The following PGR variants were observed in gnomAD, a reference collection of about 807,000 sequenced individuals.
The protein encoded by PGR is progesterone receptor.
PGR carries 25 observed loss-of-function variants against 76.1 expected under a neutral mutation model. The observed-to-expected ratio is 0.33, with a 90% CI of 0.24 to 0.46. PGR has a LOEUF of 0.46. Among genes scored for constraint, PGR ranks in the 20% least tolerant of loss-of-function variants. The pLI, the probability that PGR is intolerant of heterozygous loss-of-function variation, is 1.00. For missense variants in PGR, 1,172 were observed against 1,225.3 expected, an observed-to-expected ratio of 0.96 and a Z score of 0.65; for synonymous variants, 579 against 535.0, an observed-to-expected ratio of 1.08 and a Z score of -1.14.
intron 7 of PGR, among the ~76,000 whole-genome samples, chr11:101,041,022 A>C (rs1413607894): frequency 1.4e-5 from 2 of 143,474 alleles, no homozygotes; most frequent in African/African-American, 4.9e-5. Context: ...ATTATCCAAA[A>C]GTATTTTCTT....
At chr11:101,045,665 T>TTG (rs5794091) in intron 6 of PGR, among the ~76,000 whole-genome samples, 4,037 of 149,202 alleles carry the variant, frequency 0.027, 79 homozygotes, top group African/African-American at 0.056. Context: ...CTATTCCATT[T>TTG]TGTGTGTGTG....
chr11:101,128,068 C>T lies in PGR; in HGVS notation c.1003G>A (p.Ala335Thr), dbSNP rs778208375. 3.7e-6 allele frequency: 6 copies of T among 1,600,942 alleles called. No homozygotes were observed. In the South Asian group the frequency reaches 6.6e-5, roughly 18 times the overall value. Reference protein sequence around the residue: ...EDESYDGGAGAASAFAPPRSS... With the variant: ...EDESYDGGAGTASAFAPPRSS... ...CGCGGCGGGGCAAAGGCGCTGGCAG[C>T]CCCGGCCCCGCCGTCGTAACTTTCG... is the stretch of plus-strand genomic sequence containing the variant. Residue 335 changes from alanine (A) to threonine (T), a missense_variant, in exon 1 of 8, where the codon GCT becomes ACT. Ala to Thr is a moderately conservative substitution (Grantham distance 58). Coordinates refer to ENST00000325455, the MANE Select transcript of PGR (RefSeq NM_000926.4).
intron 3 of PGR, among the ~76,000 whole-genome samples, chr11:101,091,117 G>A (rs1169322441): frequency 1.3e-5 from 2 of 152,122 alleles, no homozygotes; most frequent in Non-Finnish European, 2.9e-5. Flanking sequence ...CATAACTGTG[G>A]CTCGCTTGAT....
chr11:101,116,537 C>G (rs1000016385), intron 2 of PGR, among the ~76,000 whole-genome samples: 1 of 152,012 alleles, frequency 6.6e-6, no homozygotes, highest in Non-Finnish European at 1.5e-5. Context: ...GTCAGGAGTT[C>G]GAGACCAATC....
chr11:101,043,151 A>G (rs1256718436), intron 6 of PGR, among the ~76,000 whole-genome samples: 1 of 152,184 alleles, frequency 6.6e-6, no homozygotes, highest in Non-Finnish European at 1.5e-5. Context: ...TCATAATTGG[A>G]GTCAATCCTC....
rs541558558 is a variant in PGR at position 101,036,246 on chromosome 11, T to C, written c.*2870A>G. 4.5e-6 allele frequency: 1 copy of C among 221,832 alleles called. No homozygotes were observed. Among genetic ancestry groups the C allele is most frequent in the African/African-American group, 2.2e-5 (1 of 44,734 alleles). The allele number at this position is 221,832 out of a possible 1,614,324, so 13.7% of individuals were successfully genotyped here. A position where few individuals can be genotyped will look rare whatever the true frequency, so the allele number is the denominator to read the frequency against. On this transcript the variant is annotated 3_prime_UTR_variant, in exon 8 of 8. Coordinates refer to ENST00000325455, the MANE Select transcript of PGR (RefSeq NM_000926.4). ...ATATCATCTGTATAGCAATAAATTATCTTAATGTTAAATGGGAAAAAATAG... is the reference window on the plus strand; with the variant it reads ...ATATCATCTGTATAGCAATAAATTACCTTAATGTTAAATGGGAAAAAATAG...
intron 3 of PGR, among the ~76,000 whole-genome samples, chr11:101,068,242 G>T (rs1860794720): frequency 6.6e-6 from 1 of 152,006 alleles, no homozygotes; most frequent in South Asian, 2.1e-4. Flanking sequence ...CAAACAGAGA[G>T]CCAAATCATG....
At position 101,039,101 on chromosome 11, in the gene PGR, AG is replaced by A; in HGVS notation, c.*14del. The A allele has an allele frequency of 1.2e-6, 2 of 1,605,444 alleles. No homozygotes were observed. Among genetic ancestry groups the A allele is most frequent in the Non-Finnish European group, 1.7e-6 (2 of 1,172,888 alleles). On this transcript the variant is annotated 3_prime_UTR_variant, in exon 8 of 8. Coordinates refer to ENST00000325455, the MANE Select transcript of PGR (RefSeq NM_000926.4). ...ATACCACAAAATTTAATTCTTTAAAAGAAAAAGATGACATTCACTTTTTATG... is the reference window on the plus strand; with the variant it reads ...ATACCACAAAATTTAATTCTTTAAAAAAAAAGATGACATTCACTTTTTATG...
Position 101,033,948 on chromosome 11 carries a change from GT to G in PGR, c.*5167del, listed in dbSNP as rs1859429809. 1 of 224,888 alleles carries G rather than the reference GT, an allele frequency of 4.4e-6. No individual in the cohort carries two copies. Among genetic ancestry groups the G allele is most frequent in the South Asian group, 1.8e-4 (1 of 5,480 alleles). 13.9% of individuals were successfully genotyped at this position (224,888 alleles called of 1,614,324 possible). On this transcript the variant is annotated 3_prime_UTR_variant, in exon 8 of 8. Transcript: ENST00000325455. ...ATAATAAAAATAAGCTATAGCATATGTCCTGAAAACTATTTACAATACCATT... is the reference window on the plus strand; with the variant it reads ...ATAATAAAAATAAGCTATAGCATATGCCTGAAAACTATTTACAATACCATT...
Position 101,030,251 on chromosome 11 carries a change from G to A in PGR, c.*8865C>T. On this transcript the variant is annotated 3_prime_UTR_variant, in exon 8 of 8. Coordinates refer to ENST00000325455, the MANE Select transcript of PGR (RefSeq NM_000926.4). ...ACTAGTTTTACTAATAAGCAACGGG[G>A]TAGATAACTTTGAAGATTGCATCAA... is the stretch of plus-strand genomic sequence containing the variant. The A allele has an allele frequency of 9.0e-6, 2 of 223,276 alleles. No individual in the cohort carries two copies. The highest frequency in any genetic ancestry group is 1.8e-5 in the Non-Finnish European group (2 of 111,984). 13.8% of individuals were successfully genotyped at this position (223,276 alleles called of 1,614,324 possible). A position where few individuals can be genotyped will look rare whatever the true frequency, so the allele number is the denominator to read the frequency against.
intron 2 of PGR, among the ~76,000 whole-genome samples, chr11:101,101,060 T>C (rs886665286): frequency 4.6e-5 from 7 of 152,124 alleles, no homozygotes; most frequent in African/African-American, 1.7e-4. Flanking sequence ...CTTGGGGAAA[T>C]GACTGATCCA....
At chr11:101,060,346 C>T (rs1860447835) in intron 4 of PGR, among the ~76,000 whole-genome samples, 1 of 152,132 alleles carries the variant, frequency 6.6e-6, no homozygotes, top group Non-Finnish European at 1.5e-5. Context: ...ACATGCAAAA[C>T]TGATGACCAG....
chr11:101,075,796 A>G (rs1177077333), intron 3 of PGR, among the ~76,000 whole-genome samples: 1 of 152,136 alleles, frequency 6.6e-6, no homozygotes, highest in African/African-American at 2.4e-5. Flanking sequence ...TAGAATGATG[A>G]CCATTAAAAA....
intron 3 of PGR, among the ~76,000 whole-genome samples, chr11:101,067,580 T>C (rs1022574180): frequency 5.3e-5 from 8 of 151,956 alleles, no homozygotes; most frequent in African/African-American, 1.9e-4. Flanking sequence ...TGTATTACAG[T>C]CAGAAATTTC....
Position 101,061,808 on chromosome 11 carries a change from G to A in PGR, c.2212+639C>T, listed in dbSNP as rs9282825. 8.2e-3 allele frequency among the ~76,000 whole-genome samples: 1,247 copies of A among 152,226 alleles called. 11 individuals carry two copies. Among genetic ancestry groups the A allele is most frequent in the African/African-American group, 0.029 (1,213 of 41,536 alleles). On this transcript the variant is annotated intron_variant, in intron 4 of 7. Coordinates refer to ENST00000325455, the MANE Select transcript of PGR (RefSeq NM_000926.4). ...TACTTGGCTCCTACAGAGCTGTGCT[G>A]AGGGAGCAAAAATAGCTGATAAGTA...
intron 1 of PGR, 35 bp downstream of exon 1, chr11:101,127,399 G>A: frequency 1.4e-6 from 2 of 1,478,502 alleles, no homozygotes; most frequent in South Asian, 1.3e-5. Flanking sequence ...CGCTACTCCC[G>A]GACGCGCTGG....
chr11:101,043,073 G>A (rs1234715208), intron 6 of PGR, among the ~76,000 whole-genome samples: 2 of 152,130 alleles, frequency 1.3e-5, no homozygotes, highest in Non-Finnish European at 2.9e-5. Context: ...TGACTCTTTT[G>A]TGAATAATTT....
chr11:101,031,527 T>G lies in PGR; in HGVS notation c.*7589A>C, dbSNP rs1859350723. On this transcript the variant is annotated 3_prime_UTR_variant, in exon 8 of 8. Transcript: ENST00000325455. ...TCTTCAACCTACTGCTCACCAGTGC[T>G]CCCTCCTCAGCTCCAAGGCTGTGGA... 4.4e-6 allele frequency: 1 copy of G among 226,024 alleles called. No homozygotes were observed. Among genetic ancestry groups the G allele is most frequent in the African/African-American group, 2.2e-5 (1 of 44,722 alleles). 14.0% of individuals were successfully genotyped at this position (226,024 alleles called of 1,614,324 possible).
Position 101,128,597 on chromosome 11 carries a change from C to A in PGR, c.474G>T (p.Gln158His). Residue 158 changes from glutamine to histidine, a missense_variant, in exon 1 of 8, where the codon CAG becomes CAT. Transcript: ENST00000325455. ...GGCTCATGAGCGGGGACAACACCCG[C>A]TGGGTGGCGGGGGCAGCCGGTGGAT... Reference protein sequence around the residue: ...PEDPPAAPATQRVLSPLMSRS... With the variant: ...PEDPPAAPATHRVLSPLMSRS... The A allele has an allele frequency of 6.3e-7, 1 of 1,593,364 alleles. No homozygotes were observed. The highest frequency in any genetic ancestry group is 8.5e-7 in the Non-Finnish European group (1 of 1,172,394).
Sources: gnomAD v4.1 joint callset for allele counts (sites outside exome capture counted in the v4.1 genomes callset) on GRCh38, gnomAD v4.1.1 for gene constraint, MANE v1.5 for transcripts, NCBI Gene and HGNC (gene_info 2026-07-23, HGNC 2026-07-21) for gene names.